ACSM2A: variants seen among roughly 807,000 people sequenced by gnomAD.
ACSM2A encodes the protein acyl-coenzyme A synthetase ACSM2A, mitochondrial.
A neutral mutation model predicts 76.6 loss-of-function variants in ACSM2A; 72 were observed. The ratio of observed to expected loss-of-function variants is 0.94; its 90% CI spans 0.78 to 1.14. The LOEUF (loss-of-function observed/expected upper bound fraction) is 1.14. Ranked by LOEUF, ACSM2A falls within the 50% of genes most tolerant of loss-of-function variation. The pLI is 0.00. For synonymous variants in ACSM2A, 249 were observed against 255.9 expected, an observed-to-expected ratio of 0.97 and a Z score of 0.26; for missense variants, 684 against 708.5, an observed-to-expected ratio of 0.97 and a Z score of 0.39.
At position 20,469,719 on chromosome 16, in the gene ACSM2A, A is replaced by G. The variant is rs1427746958; in HGVS notation, c.596A>G (p.Asn199Ser). 6.2e-7 allele frequency: 1 copy of G among 1,613,678 alleles called. No individual in the cohort carries two copies. The highest frequency in any genetic ancestry group is 1.7e-5 in the Admixed American group (1 of 59,992). The change falls in exon 4 of 14, where the codon AAT becomes AGT. Residue 199 changes from asparagine to serine, a missense_variant and splice_region_variant. Coordinates refer to ENST00000573854, the MANE Select transcript of ACSM2A (RefSeq NM_001308172.2). Reference protein sequence around the residue: ...DGWLNFKKLLNEASTTHHCVE... With the variant: ...DGWLNFKKLLSEASTTHHCVE... ...TGGCTGAACTTCAAGAAACTACTAA[A>G]GTGAGTATCTACATGTCTCAGCCTG... is the stretch of plus-strand genomic sequence containing the variant.
intron 1 of ACSM2A, among the ~76,000 whole-genome samples, chr16:20,459,454 C>G: frequency 6.6e-6 from 1 of 152,176 alleles, no homozygotes; most frequent in Non-Finnish European, 1.5e-5. Context: ...ATCTTAGTAG[C>G]TTTTAGTCAT....
At chr16:20,481,603 G>T (rs1236847005) in intron 12 of ACSM2A, 1 of 150,050 alleles carries the variant, frequency 6.7e-6, no homozygotes, top group Non-Finnish European at 1.5e-5. Flanking sequence ...ATGAAGGGAG[G>T]TTGGTGAATG....
intron 7 of ACSM2A, 98 bp from the exon 8 acceptor site, chr16:20,475,552 G>A (rs2013684248): frequency 6.2e-7 from 1 of 1,604,510 alleles, no homozygotes; most frequent in Non-Finnish European, 8.5e-7. Context: ...GCCCCATGAA[G>A]CCATTTGCAT....
chr16:20,461,794 G>GT (rs997250559), intron 2 of ACSM2A, among the ~76,000 whole-genome samples: 1 of 152,100 alleles, frequency 6.6e-6, no homozygotes, highest in African/African-American at 2.4e-5. Context: ...ACAAAAGGTT[G>GT]TTTTTTTCTT....
In ACSM2A at chr16:20,480,780, G is replaced by T. The variant is rs777128346; in HGVS notation, c.1410-42G>T. The T allele has an allele frequency of 5.0e-6, 8 of 1,613,622 alleles. No homozygotes were observed. In the East Asian group the frequency reaches 1.3e-4, roughly 27 times the overall value. ...TCCAGACTTCTGGAATGGCCTAGAG[G>T]TTCGGTGTCCAGTGTTCTCTGAAGG... On this transcript the variant is annotated intron_variant, in intron 11 of 13. Transcript: ENST00000573854.
Position 20,477,382 on chromosome 16 carries a change from T to C in ACSM2A, c.1112T>C (p.Met371Thr), listed in dbSNP as rs1380178077. 68 of 1,608,332 alleles carry C rather than the reference T, an allele frequency of 4.2e-5. No homozygotes were observed. Among genetic ancestry groups the C allele is most frequent in the Non-Finnish European group, 5.8e-5 (68 of 1,176,704 alleles). The change falls in exon 9 of 14, where the codon ATG (methionine) becomes ACG (threonine). Residue 371 changes from methionine to threonine, a missense_variant. Met to Thr is a moderately conservative substitution (Grantham distance 81). Around this residue, in one of 3 missense-constraint regions of ACSM2A, gnomAD observed 519 missense variants for 549.5 expected, o/e 0.94. Transcript: ENST00000573854. ...YGQTETGLTC[M>T]VSKTMKIKPG... is the part of the protein sequence containing the mutation. ...TTCTTTCCACAGGGATTAACTTGCA[T>C]GGTTTCCAAGACAATGAAAATCAAA... is the stretch of plus-strand genomic sequence containing the variant.
Position 20,486,710 on chromosome 16 carries a change from T to G in ACSM2A, c.*32T>G. The G allele has an allele frequency of 6.2e-7, 1 of 1,610,288 alleles. No homozygotes were observed. ...TAAGAGACATTCATTTGGATTCCCC[T>G]CTTCTTTCTCTTTCTTTTCCCTTTG... On this transcript the variant is annotated 3_prime_UTR_variant, in exon 14 of 14. Transcript: ENST00000573854.
rs558001558 is a variant in ACSM2A, at chr16:20,479,305, A to T, written c.1281+628A>T. On this transcript the variant is annotated intron_variant, in intron 10 of 13. Coordinates refer to ENST00000573854, the MANE Select transcript of ACSM2A (RefSeq NM_001308172.2). ...AACTAAATAAACAATAAATCAAATA[A>T]TAATAGTTTCTACCATTTATTGAAT... Among the ~76,000 whole-genome samples the T allele has an allele frequency of 9.8e-5, 15 of 152,316 alleles. No homozygotes were observed. The South Asian group carries it at 3.1e-3, about 32-fold the overall frequency.
intron 8 of ACSM2A, chr16:20,477,085 C>T (rs894164758): frequency 1.1e-5 from 4 of 365,128 alleles, no homozygotes; most frequent in Non-Finnish European, 1.8e-5. Flanking sequence ...TCCATAGTGT[C>T]GTATTAAAAT....
In ACSM2A at chr16:20,469,647, C is replaced by G. The variant is rs373845167; in HGVS notation, c.524C>G (p.Pro175Arg). 3.7e-6 allele frequency: 6 copies of G among 1,613,864 alleles called. No homozygotes were observed. The South Asian group carries it at 6.6e-5, about 18-fold the overall frequency. Residue 175 changes from proline (P) to arginine (R), a missense_variant, in exon 4 of 14, where the codon CCT (proline) becomes CGT (arginine). Around this residue, in one of 3 missense-constraint regions of ACSM2A, gnomAD observed 519 missense variants for 549.5 expected, o/e 0.94. Transcript: ENST00000573854. ...GTGGACACAGTGGCATCTGAATGTC[C>G]TTCTCTGAGAATTAAGCTACTGGTG... ...QEVDTVASEC[P>R]SLRIKLLVSE...
At chr16:20,459,079 AG>A (rs1182620490) in intron 1 of ACSM2A, among the ~76,000 whole-genome samples, 1 of 151,600 alleles carries the variant, frequency 6.6e-6, no homozygotes, top group Non-Finnish European at 1.5e-5. Context: ...CTCAGCCATA[AG>A]TGGGAGCTAG....
intron 6 of ACSM2A, among the ~76,000 whole-genome samples, chr16:20,472,872 C>T (rs976977560): frequency 1.3e-5 from 2 of 152,130 alleles, no homozygotes; most frequent in African/African-American, 4.8e-5. Flanking sequence ...AAATGTTCCC[C>T]CATCCTATTG....
In ACSM2A at chr16:20,469,527, C is replaced by A; in HGVS notation, c.404C>A (p.Pro135His). 6.2e-7 allele frequency: 1 copy of A among 1,613,090 alleles called. No individual in the cohort carries two copies. The part of the protein sequence containing the change: ...GCIRAGLIFM[P>H]GTIQMKSTDI... ...GCTTCTTTAGGTCTCATCTTTATGCCTGGAACCATCCAGATGAAATCCACT... is the reference window on the plus strand; with the variant it reads ...GCTTCTTTAGGTCTCATCTTTATGCATGGAACCATCCAGATGAAATCCACT... The change falls in exon 4 of 14, where the codon CCT becomes CAT. Residue 135 changes from proline to histidine, a missense_variant. Transcript: ENST00000573854.
chr16:20,475,531 G>A (rs926446574), intron 7 of ACSM2A, 90 bp downstream of exon 7: 51 of 1,601,614 alleles, frequency 3.2e-5, no homozygotes, highest in Middle Eastern at 1.7e-4. Flanking sequence ...TGAATCTCTC[G>A]CACACAGAGA....
At position 20,474,649 on chromosome 16, in the gene ACSM2A, G is replaced by A. The variant is rs1470731821; in HGVS notation, c.895-713G>A. Reference sequence around the variant, plus strand: ...AAGAAAAGCATGGGATGGAGATGGTGTTATACGACAGGAATACATGCTGCA... The same window carrying A: ...AAGAAAAGCATGGGATGGAGATGGTATTATACGACAGGAATACATGCTGCA... On this transcript the variant is annotated intron_variant, in intron 6 of 13. Coordinates refer to ENST00000573854, the MANE Select transcript of ACSM2A (RefSeq NM_001308172.2). Among the ~76,000 whole-genome samples the A allele has an allele frequency of 2.0e-5, 3 of 152,352 alleles. No homozygotes were observed. The East Asian group carries it at 5.8e-4, about 29-fold the overall frequency.
chr16:20,455,144 A>G (rs79876150), intron 1 of ACSM2A, among the ~76,000 whole-genome samples: 48,001 of 144,460 alleles, frequency 0.33, 8,198 homozygotes, highest in East Asian at 0.74. Flanking sequence ...GAAGTTTGGG[A>G]TTGTGTTAAA....
chr16:20,455,789 T>G (rs1331649227), intron 1 of ACSM2A, among the ~76,000 whole-genome samples: 2 of 151,012 alleles, frequency 1.3e-5, no homozygotes, highest in Non-Finnish European at 2.9e-5. Context: ...AATGGAATAG[T>G]ACCTGACATC....
intron 8 of ACSM2A, 23 bp from the exon 9 acceptor site, chr16:20,477,346 G>A (rs2013805572): frequency 6.3e-7 from 1 of 1,583,768 alleles, no homozygotes; most frequent in East Asian, 2.2e-5. Flanking sequence ...GAGGTTTGCT[G>A]ATCTGTCTGC....
At chr16:20,464,354 A>G (rs2141704063) in intron 2 of ACSM2A, among the ~76,000 whole-genome samples, 1 of 152,314 alleles carries the variant, frequency 6.6e-6, no homozygotes, top group Non-Finnish European at 1.5e-5. Flanking sequence ...GGAATACCTG[A>G]GACTAGGTAA....
Sources: allele counts gnomAD v4.1 joint callset (sites outside exome capture counted in the v4.1 genomes callset), GRCh38; gene constraint gnomAD v4.1.1; regional missense constraint gnomAD v4.1.1; transcripts MANE v1.5; gene names NCBI Gene and HGNC (gene_info 2026-07-23, HGNC 2026-07-21).